The following ZNF605 variants were observed in gnomAD, a reference collection of about 807,000 sequenced individuals.
ZNF605 encodes the protein zinc finger protein 605.
A neutral mutation model predicts 7.9 loss-of-function variants in ZNF605; 9 were observed. The observed-to-expected ratio is 1.14, with a 90% CI of 0.68 to 1.98. The LOEUF is 1.98. Ranked by LOEUF, ZNF605 falls within the 30% of genes most tolerant of loss-of-function variation. The pLI is 0.00. For missense variants in ZNF605, 673 were observed against 762.4 expected (o/e 0.88, Z 1.38); for synonymous variants, 255 against 260.1 (o/e 0.98, Z 0.19).
intron 3 of ZNF605, among the ~76,000 whole-genome samples, chr12:132,940,366 G>A (rs1287045535): frequency 6.6e-6 from 1 of 152,198 alleles, no homozygotes; most frequent in Non-Finnish European, 1.5e-5. Flanking sequence ...GGTTAAAAAG[G>A]TCTGTGCGAA....
At chr12:132,929,671 G>A (rs377604407) in intron 4 of ZNF605, among the ~76,000 whole-genome samples, 3,745 of 152,248 alleles carry the variant, frequency 0.025, 153 homozygotes, top group African/African-American at 0.084. Context: ...TCCAGGCCGG[G>A]TGCGGTGGCT....
At position 132,925,822 on chromosome 12, in the gene ZNF605, T is replaced by C. The variant is rs1343279758; in HGVS notation, c.1477A>G (p.Ile493Val). 5.6e-6 allele frequency: 9 copies of C among 1,614,200 alleles called. No homozygotes were observed. Among genetic ancestry groups the C allele is most frequent in the Admixed American group, 1.7e-5 (1 of 60,028 alleles). Reference protein sequence around the residue: ...RKTFSEKSSLIHHQRTHTGEK... With the variant: ...RKTFSEKSSLVHHQRTHTGEK... Reference sequence around the variant, plus strand: ...CCAGTATGGGTTCTCTGATGATGAATGAGACTTGACTTCTCACTGAAGGTT... The same window carrying C: ...CCAGTATGGGTTCTCTGATGATGAACGAGACTTGACTTCTCACTGAAGGTT... Residue 493 changes from isoleucine (I) to valine (V), a missense_variant, in exon 5 of 5, where the codon ATT becomes GTT. Physicochemically the swap from Ile to Val is conservative, Grantham distance 29. Transcript: ENST00000360187.
chr12:132,927,815 C>G (rs1385275875), intron 4 of ZNF605, among the ~76,000 whole-genome samples: 1 of 151,948 alleles, frequency 6.6e-6, no homozygotes, highest in African/African-American at 2.4e-5. Context: ...CGCCATCACA[C>G]TTGGCTAATT....
At chr12:132,936,307 T>A (rs1295015429) in intron 3 of ZNF605, among the ~76,000 whole-genome samples, 9 of 151,724 alleles carry the variant, frequency 5.9e-5, no homozygotes, top group African/African-American at 1.2e-4. Flanking sequence ...TAAGAGTAGA[T>A]TAGGAAAAGA....
chr12:132,938,812 G>A (rs371233106), intron 3 of ZNF605, among the ~76,000 whole-genome samples: 16 of 152,254 alleles, frequency 1.1e-4, no homozygotes, highest in East Asian at 9.7e-4. Flanking sequence ...CTGGAGTTCC[G>A]GGTGGGCGTG....
At chr12:132,955,229 T>C (rs1268723220) in intron 1 of ZNF605, among the ~76,000 whole-genome samples, 2 of 152,054 alleles carry the variant, frequency 1.3e-5, no homozygotes, top group African/African-American at 4.8e-5. Context: ...CAGAGAGGTG[T>C]GAACAAGGTT....
intron 4 of ZNF605, among the ~76,000 whole-genome samples, 155 bp from the exon 5 acceptor site, chr12:132,927,317 A>G (rs945741336): frequency 6.6e-6 from 1 of 152,214 alleles, no homozygotes; most frequent in African/African-American, 2.4e-5. Flanking sequence ...AGAAATGAAA[A>G]TGAACTTTTA....
chr12:132,937,085 G>A (rs936320456), intron 3 of ZNF605, among the ~76,000 whole-genome samples: 3 of 152,126 alleles, frequency 2.0e-5, no homozygotes, highest in Non-Finnish European at 2.9e-5. Context: ...GTGGCTGGGC[G>A]CGGTGGCTCA....
intron 1 of ZNF605, among the ~76,000 whole-genome samples, chr12:132,953,147 C>A (rs1952590173): frequency 6.6e-6 from 1 of 152,186 alleles, no homozygotes; most frequent in East Asian, 1.9e-4. Context: ...ACCACACAAC[C>A]ACCGAACCCC....
intron 4 of ZNF605, among the ~76,000 whole-genome samples, chr12:132,928,208 T>A (rs1347426070): frequency 1.7e-4 from 26 of 152,326 alleles, no homozygotes; most frequent in African/African-American, 5.1e-4. Context: ...TTGAATGGTA[T>A]AATAGAAAAA....
At chr12:132,949,721 T>G (rs1952537281) in intron 1 of ZNF605, among the ~76,000 whole-genome samples, 1 of 152,160 alleles carries the variant, frequency 6.6e-6, no homozygotes, top group Admixed American at 6.5e-5. Flanking sequence ...CAGGGACAGT[T>G]AACAGCCACA....
At chr12:132,927,295 G>A in intron 4 of ZNF605, 133 bp from the exon 5 acceptor site, 1 of 551,098 alleles carries the variant, frequency 1.8e-6, no homozygotes. Flanking sequence ...ATTGGGCATT[G>A]ACAATTTTAA....
At position 132,919,255 on chromosome 12, in the gene ZNF605, A is replaced by C. The variant is rs1316418581; in HGVS notation, c.*6118T>G. ...TTTATTAATTATTTTTGTGGAGAAC[A>C]AAGTGCCACTATGTTGCCCAGGCTG... On this transcript the variant is annotated 3_prime_UTR_variant, in exon 5 of 5. Coordinates refer to ENST00000360187, the MANE Select transcript of ZNF605 (RefSeq NM_183238.4). 1 of 152,040 alleles carries C rather than the reference A, an allele frequency of 6.6e-6. No homozygotes were observed. Among genetic ancestry groups the C allele is most frequent in the Non-Finnish European group, 1.5e-5 (1 of 68,016 alleles). The allele number at this position is 152,040 out of a possible 1,614,324, so 9.4% of individuals were successfully genotyped here.
At chr12:132,934,677 G>A (rs1257674111) in intron 3 of ZNF605, among the ~76,000 whole-genome samples, 3 of 140,280 alleles carry the variant, frequency 2.1e-5, no homozygotes, top group Admixed American at 1.5e-4. Context: ...CTGCACTCCA[G>A]CCTGGTGACA....
intron 3 of ZNF605, among the ~76,000 whole-genome samples, chr12:132,938,270 G>A (rs1343561558): frequency 2.6e-5 from 4 of 152,068 alleles, no homozygotes; most frequent in Non-Finnish European, 4.4e-5. Context: ...AAGAGCCACT[G>A]TGCCAGGCCG....
Position 132,919,717 on chromosome 12 carries a change from C to T in ZNF605, c.*5656G>A, listed in dbSNP as rs1237272544. 6.6e-6 allele frequency: 1 copy of T among 152,082 alleles called. No homozygotes were observed. The highest frequency in any genetic ancestry group is 2.4e-5 in the African/African-American group (1 of 41,418). The allele number at this position is 152,082 out of a possible 1,614,324, so 9.4% of individuals were successfully genotyped here. A position where few individuals can be genotyped will look rare whatever the true frequency, so the allele number is the denominator to read the frequency against. On this transcript the variant is annotated 3_prime_UTR_variant, in exon 5 of 5. Transcript: ENST00000360187. ...GCCAGTAATTCTTAAATGAGAACTTCAAGTTATAAATGTCCCTTCACTTAC... is the reference window on the plus strand; with the variant it reads ...GCCAGTAATTCTTAAATGAGAACTTTAAGTTATAAATGTCCCTTCACTTAC...
intron 3 of ZNF605, among the ~76,000 whole-genome samples, chr12:132,939,051 C>T (rs1195773589): frequency 6.6e-6 from 1 of 151,456 alleles, no homozygotes; most frequent in Non-Finnish European, 1.5e-5. Context: ...TCCATGGGCT[C>T]CCATGCGGCC....
intron 1 of ZNF605, among the ~76,000 whole-genome samples, chr12:132,954,915 C>A (rs1211252733): frequency 6.6e-6 from 1 of 152,120 alleles, no homozygotes; most frequent in African/African-American, 2.4e-5. Flanking sequence ...CCTAATGCTT[C>A]CATCATAAGA....
At chr12:132,932,761 G>C in intron 4 of ZNF605, 1 of 1,536,672 alleles carries the variant, frequency 6.5e-7, no homozygotes, top group Non-Finnish European at 8.7e-7. Flanking sequence ...CATGGATCTT[G>C]TTGTTCCAGT....
Sources: allele counts gnomAD v4.1 joint callset (sites outside exome capture counted in the v4.1 genomes callset), GRCh38; gene constraint gnomAD v4.1.1; transcripts MANE v1.5; gene names NCBI Gene and HGNC (gene_info 2026-07-23, HGNC 2026-07-21).